ZFHX4: variants seen among roughly 807,000 people sequenced by gnomAD.
ZFHX4 encodes zinc finger homeobox 4.
A neutral mutation model predicts 267.6 loss-of-function variants in ZFHX4; 56 were observed. The ratio of observed to expected loss-of-function variants is 0.21; its 90% CI spans 0.17 to 0.26. The LOEUF (loss-of-function observed/expected upper bound fraction) is 0.26, where lower values mean the gene tolerates loss of function less well. ZFHX4 is among the 10% of genes least tolerant of loss of function. The pLI is 1.00. For missense variants in ZFHX4, 4,332 were observed against 4,420.0 expected (o/e 0.98, Z 0.56); for synonymous variants, 1,778 against 1,665.6 (o/e 1.07, Z -1.64).
chr8:76,784,835 T>G (rs1454325491), intron 4 of ZFHX4, among the ~76,000 whole-genome samples: 1 of 152,100 alleles, frequency 6.6e-6, no homozygotes, highest in East Asian at 1.9e-4. Flanking sequence ...CTGCTACTTT[T>G]TTCCCCAGAC....
intron 3 of ZFHX4, among the ~76,000 whole-genome samples, chr8:76,760,412 C>T (rs1175810463): frequency 6.6e-6 from 1 of 152,032 alleles, no homozygotes; most frequent in Non-Finnish European, 1.5e-5. Context: ...GATACAGGGT[C>T]GAACAGACAG....
At chr8:76,750,305 T>C (rs10504639) in intron 3 of ZFHX4, among the ~76,000 whole-genome samples, 16,774 of 152,190 alleles carry the variant, frequency 0.11, 1,533 homozygotes, top group African/African-American at 0.25. Context: ...TGCTTGATGA[T>C]GCTGTTGTAT....
rs571087005 is a variant in ZFHX4 at position 76,738,712 on chromosome 8, TTCTC to T, written c.3093+30685_3093+30688del. On this transcript the variant is annotated intron_variant, in intron 3 of 10. Coordinates refer to ENST00000651372, the MANE Select transcript of ZFHX4 (RefSeq NM_024721.5). ...CTCCTCCCTCCCTTTCTCTCTCTCT[TTCTC>T]TCTCTCTCTCTCTCTCTCTCCTTCT... Among the ~76,000 whole-genome samples, 551 of 123,862 alleles carry T rather than the reference TTCTC, an allele frequency of 4.4e-3. 2 individuals are homozygous for T. Among genetic ancestry groups the T allele is most frequent in the Middle Eastern group, 0.023 (6 of 262 alleles). The allele number at this position is 123,862 out of a possible 152,430, so 81.3% of individuals were successfully genotyped here.
In ZFHX4 at chr8:76,852,932, C is replaced by T. The variant is rs376466264; in HGVS notation, c.6011C>T (p.Pro2004Leu). 3.1e-6 allele frequency: 5 copies of T among 1,591,928 alleles called. No homozygotes were observed. The African/African-American group carries it at 5.4e-5, about 17-fold the overall frequency. ...TCTCCATCTTCTCCAGAAACGCCGC[C>T]CCCGCCACCTCCTCCTCCTCCCTTG... ...PISPSSPETP[P>L]PPPPPPPLPP... is the part of the protein sequence containing the mutation. Residue 2004 changes from proline to leucine, a missense_variant, in exon 10 of 11, where the codon CCC becomes CTC. By Grantham distance (98) the Pro-to-Leu change is moderately conservative. Transcript: ENST00000651372.
intron 5 of ZFHX4, among the ~76,000 whole-genome samples, chr8:76,837,983 A>T (rs576053841): frequency 2.5e-4 from 38 of 152,224 alleles, no homozygotes; most frequent in Non-Finnish European, 5.4e-4. Context: ...TGTGTATGTT[A>T]TTCCATAACA....
At chr8:76,698,604 A>G (rs932753510) in intron 1 of ZFHX4, among the ~76,000 whole-genome samples, 5 of 151,980 alleles carry the variant, frequency 3.3e-5, no homozygotes, top group Admixed American at 6.6e-5. Context: ...GAGAGGGAGA[A>G]GAAGACTATC....
chr8:76,856,011 G>A lies in ZFHX4; in HGVS notation c.9090G>A (p.Gln3030=), dbSNP rs1812713493. Residue 3030 remains glutamine (Q), a synonymous_variant, in exon 10 of 11, where the codon CAG becomes CAA. Coordinates refer to ENST00000651372, the MANE Select transcript of ZFHX4 (RefSeq NM_024721.5). ...TCAGAGATCACATTTTCTCCAAACA[G>A]CACATTTCAAAAGTGAGGGAGACCG... ...LSIRDHIFSK[Q]HISKVRETVG... 1.9e-6 allele frequency: 3 copies of A among 1,613,966 alleles called. No homozygotes were observed. The highest frequency in any genetic ancestry group is 2.5e-6 in the Non-Finnish European group (3 of 1,179,874).
At chr8:76,770,316 T>C (rs867756745) in intron 3 of ZFHX4, among the ~76,000 whole-genome samples, 17 of 152,248 alleles carry the variant, frequency 1.1e-4, no homozygotes, top group Middle Eastern at 6.8e-3. Flanking sequence ...ATTTGCTTGC[T>C]AAAGCTAGAA....
intron 3 of ZFHX4, among the ~76,000 whole-genome samples, chr8:76,759,381 C>T (rs1210261622): frequency 6.6e-6 from 1 of 152,216 alleles, no homozygotes; most frequent in Admixed American, 6.5e-5. Flanking sequence ...TGTAATTCCT[C>T]CCGGGTGGGA....
At chr8:76,682,245 C>A (rs1807553768) in intron 1 of ZFHX4, among the ~76,000 whole-genome samples, 1 of 152,244 alleles carries the variant, frequency 6.6e-6, no homozygotes, top group South Asian at 2.1e-4. Context: ...CTCCACCCCC[C>A]ACCCCACCTT....
At chr8:76,809,806 A>C (rs1811330079) in intron 4 of ZFHX4, among the ~76,000 whole-genome samples, 1 of 152,186 alleles carries the variant, frequency 6.6e-6, no homozygotes, top group South Asian at 2.1e-4. Context: ...ATGTATAAAT[A>C]ATAGAATTTG....
chr8:76,843,506 A>G (rs1812289684), intron 6 of ZFHX4, among the ~76,000 whole-genome samples: 1 of 152,168 alleles, frequency 6.6e-6, no homozygotes, highest in Admixed American at 6.5e-5. Flanking sequence ...TGGATACCTA[A>G]GGCTTTTTCT....
intron 4 of ZFHX4, among the ~76,000 whole-genome samples, chr8:76,823,951 T>C (rs893066786): frequency 3.3e-5 from 5 of 152,168 alleles, no homozygotes; most frequent in Non-Finnish European, 7.3e-5. Flanking sequence ...AGTAGCAAGA[T>C]TTTATTTATT....
At chr8:76,791,907 T>C (rs114380029) in intron 4 of ZFHX4, among the ~76,000 whole-genome samples, 168 of 152,296 alleles carry the variant, frequency 1.1e-3, no homozygotes, top group African/African-American at 3.9e-3. Context: ...TGTATAGATA[T>C]TACTCATGAA....
Position 76,708,027 on chromosome 8 carries a change from G to T in ZFHX4, c.3072G>T (p.Glu1024Asp). 1.2e-6 allele frequency: 2 copies of T among 1,613,604 alleles called. No individual in the cohort carries two copies. Among genetic ancestry groups the T allele is most frequent in the Non-Finnish European group, 1.7e-6 (2 of 1,179,882 alleles). Reference protein sequence around the residue: ...LRLHTTNHRHEAALKLYKHLQ... With the variant: ...LRLHTTNHRHDAALKLYKHLQ... ...TGCATACCACCAATCACAGGCACGA[G>T]GCGGCCCTGAAGCTCTACAAGGTAA... The change falls in exon 3 of 11, where the codon GAG (glutamate) becomes GAT (aspartate). Residue 1024 changes from glutamate to aspartate, a missense_variant. By Grantham distance (45) the Glu-to-Asp change is conservative. Around this residue, in one of 7 missense-constraint regions of ZFHX4, gnomAD observed 1,371 missense variants for 1,423.1 expected, o/e 0.96. Coordinates refer to ENST00000651372, the MANE Select transcript of ZFHX4 (RefSeq NM_024721.5).
rs567140229 is a variant in ZFHX4, at chr8:76,853,089, C to T, written c.6168C>T (p.Pro2056=). The change falls in exon 10 of 11, where the codon CCC becomes CCT. Residue 2056 remains proline (P), a synonymous_variant. Transcript: ENST00000651372. Reference sequence around the variant, plus strand: ...CTCCTCCTCCTCCTCCTCCTCCCCCCCCACCTCCTCCACCTTCTGCTCCTC... The same window carrying T: ...CTCCTCCTCCTCCTCCTCCTCCCCCTCCACCTCCTCCACCTTCTGCTCCTC... ...PPPPPPPPPP[P]PPPPPSAPPQ... is the part of the protein sequence containing the mutation. 1.1e-4 allele frequency: 153 copies of T among 1,430,022 alleles called. 2 individuals are homozygous for T. Among genetic ancestry groups the T allele is most frequent in the Middle Eastern group, 7.3e-4 (4 of 5,476 alleles). 88.6% of individuals were successfully genotyped at this position (1,430,022 alleles called of 1,614,324 possible).
At chr8:76,848,319 GC>G (rs1481236011) in intron 6 of ZFHX4, among the ~76,000 whole-genome samples, 1 of 152,156 alleles carries the variant, frequency 6.6e-6, no homozygotes, top group East Asian at 1.9e-4. Flanking sequence ...ACATTACACT[GC>G]TGGTCTAGGC....
Position 76,704,763 on chromosome 8 carries a change from C to T in ZFHX4, c.675C>T (p.His225=). 6.2e-7 allele frequency: 1 copy of T among 1,614,030 alleles called. No individual in the cohort carries two copies. The highest frequency in any genetic ancestry group is 1.3e-5 in the African/African-American group (1 of 75,054). The stretch of plus-strand genomic sequence containing the variant: ...TAGCAGGAGTTGGTCCTGTGTTGCA[C>T]AGTTTCCGTGTCTATGATCTCCGAC... The part of the protein sequence containing the change: ...SALAGVGPVL[H]SFRVYDLRHK... The change falls in exon 2 of 11, where the codon CAC becomes CAT. Residue 225 remains histidine (H), a synonymous_variant. Transcript: ENST00000651372.
chr8:76,789,100 G>C (rs1288261212), intron 4 of ZFHX4, among the ~76,000 whole-genome samples: 1 of 152,156 alleles, frequency 6.6e-6, no homozygotes, highest in Non-Finnish European at 1.5e-5. Flanking sequence ...ATGGCTGTTG[G>C]CTCATGTAAG....
Sources: allele counts gnomAD v4.1 joint callset (sites outside exome capture counted in the v4.1 genomes callset), GRCh38; gene constraint gnomAD v4.1.1; regional missense constraint gnomAD v4.1.1; transcripts MANE v1.5; gene names NCBI Gene and HGNC (gene_info 2026-07-23, HGNC 2026-07-21).